DYNC1H1: variants seen among roughly 807,000 people sequenced by gnomAD.
The protein encoded by DYNC1H1 is cytoplasmic dynein 1 heavy chain 1.
DYNC1H1 carries 51 observed loss-of-function variants against 527.1 expected under a neutral mutation model. The ratio of observed to expected loss-of-function variants is 0.10; its 90% CI spans 0.08 to 0.12. The LOEUF (loss-of-function observed/expected upper bound fraction) is 0.12. Ranked by LOEUF, DYNC1H1 falls within the 10% of genes least tolerant of loss-of-function variation. The probability of loss-of-function intolerance (pLI) is 1.00; values close to 1 mark genes in which losing one functional copy is unlikely to be tolerated. For synonymous variants in DYNC1H1, 2,189 were observed against 2,278.8 expected (o/e 0.96, Z 1.12); for missense variants, 2,771 against 5,971.8 (o/e 0.46, Z 17.66).
rs1228519563 is a variant in DYNC1H1 at position 102,001,992 on chromosome 14, C to T, written c.4542+311C>T. 6.6e-6 allele frequency among the ~76,000 whole-genome samples: 1 copy of T among 152,116 alleles called. No individual in the cohort carries two copies. The highest frequency in any genetic ancestry group is 1.9e-4 in the East Asian group (1 of 5,198). On this transcript the variant is annotated intron_variant, in intron 21 of 77. Transcript: ENST00000360184. This position sits in a 1 kb window ranked among gnomAD's most constrained non-coding sequence, Gnocchi z 5.0. The stretch of plus-strand genomic sequence containing the variant: ...CTCACTATATTGCCCAGGCTGGTCT[C>T]GAACTCCTGGGCTTAAGCAGTCCTT...
At chr14:102,006,248 C>T (rs1332604426) in intron 27 of DYNC1H1, 78 bp downstream of exon 27, 1 of 1,586,532 alleles carries the variant, frequency 6.3e-7, no homozygotes, top group African/African-American at 1.3e-5. Flanking sequence ...TTTGAATGTA[C>T]TTCTTTTTGA....
rs150063119 is a variant in DYNC1H1, at chr14:102,038,005, G to A, written c.10909-455G>A. The A allele has an allele frequency of 1.4e-4, 44 of 312,748 alleles. No individual in the cohort carries two copies. The East Asian group carries it at 3.7e-3, about 26-fold the overall frequency. The allele number at this position is 312,748 out of a possible 1,614,324, so 19.4% of individuals were successfully genotyped here. On this transcript the variant is annotated intron_variant, in intron 57 of 77. Coordinates refer to ENST00000360184, the MANE Select transcript of DYNC1H1 (RefSeq NM_001376.5). The surrounding 1 kb of genome is among the most constrained non-coding windows in gnomAD (Gnocchi z 7.2). ...CCCATGGCTAGTGTGACTAGGAACT[G>A]AGTTTTAATTTTTTATTTTATGTTT...
At chr14:102,019,579 C>A (rs1210409329) in intron 41 of DYNC1H1, among the ~76,000 whole-genome samples, 1 of 152,158 alleles carries the variant, frequency 6.6e-6, no homozygotes, top group African/African-American at 2.4e-5. Context: ...TTGTTCTGGA[C>A]AGTTATTTAT....
chr14:102,005,213 C>T lies in DYNC1H1; in HGVS notation c.5410C>T (p.Arg1804Ter). ...TGTCCTCATGGAGCAGCCCCCACTC[C>T]GAAGGCGGAAGCTAGAACACTTGGT... ...DSVLMEQPPL[R>*]RRKLEHLITE... Residue 1804 changes from arginine (R) to a stop codon, truncating the protein, a stop_gained, in exon 26 of 78, where the codon CGA becomes TGA. Coordinates refer to ENST00000360184, the MANE Select transcript of DYNC1H1 (RefSeq NM_001376.5). LOFTEE classifies it high-confidence loss of function. This position sits in a 1 kb window ranked among gnomAD's most constrained non-coding sequence, Gnocchi z 4.0. 1.2e-6 allele frequency: 2 copies of T among 1,614,206 alleles called. No individual in the cohort carries two copies. The highest frequency in any genetic ancestry group is 1.7e-6 in the Non-Finnish European group (2 of 1,180,040).
chr14:102,012,223 A>G lies in DYNC1H1; in HGVS notation c.6858-91A>G. ...TTTTCAACCAAAGTCTGAGCAAATT[A>G]AAGGTCATTTCAGAAACCATCATCG... On this transcript the variant is annotated intron_variant, in intron 33 of 77. Coordinates refer to ENST00000360184, the MANE Select transcript of DYNC1H1 (RefSeq NM_001376.5). The surrounding 1 kb of genome is among the most constrained non-coding windows in gnomAD (Gnocchi z 4.9). The G allele has an allele frequency of 3.7e-6, 6 of 1,612,074 alleles. No individual in the cohort carries two copies. The highest frequency in any genetic ancestry group is 5.1e-6 in the Non-Finnish European group (6 of 1,178,388).
At chr14:102,019,215 C>T (rs1408612677) in intron 41 of DYNC1H1, among the ~76,000 whole-genome samples, 1 of 152,248 alleles carries the variant, frequency 6.6e-6, no homozygotes, top group African/African-American at 2.4e-5. Flanking sequence ...TACGCCTCCA[C>T]CAGCAGCACC....
chr14:102,010,596 C>A lies in DYNC1H1; in HGVS notation c.6405+137C>A. ...GGCTGAAATAGACTGTAATGTTGAC[C>A]CAGTGAGTCGAGTGCACGAATGTGG... On this transcript the variant is annotated intron_variant, in intron 31 of 77. Coordinates refer to ENST00000360184, the MANE Select transcript of DYNC1H1 (RefSeq NM_001376.5). The surrounding 1 kb of genome is among the most constrained non-coding windows in gnomAD (Gnocchi z 6.0). 2 of 1,495,418 alleles carry A rather than the reference C, an allele frequency of 1.3e-6. No homozygotes were observed. The highest frequency in any genetic ancestry group is 1.8e-6 in the Non-Finnish European group (2 of 1,094,172). 92.6% of individuals were successfully genotyped at this position (1,495,418 alleles called of 1,614,324 possible). A position where few individuals can be genotyped will look rare whatever the true frequency, so the allele number is the denominator to read the frequency against.
intron 4 of DYNC1H1, 127 bp downstream of exon 4, chr14:101,980,101 T>C (rs2047846250): frequency 6.9e-7 from 1 of 1,444,646 alleles, no homozygotes; most frequent in South Asian, 1.2e-5. Flanking sequence ...CTCTTGGTCC[T>C]GGGACTGTCC....
In DYNC1H1 at chr14:101,975,807, G is replaced by A. The variant is rs1394913488; in HGVS notation, c.344+8G>A. 5 of 1,577,992 alleles carry A rather than the reference G, an allele frequency of 3.2e-6. No homozygotes were observed. The highest frequency in any genetic ancestry group is 4.4e-6 in the Non-Finnish European group (5 of 1,147,876). The stretch of plus-strand genomic sequence containing the variant: ...TGGGGTTAAATCCAATAGGTGAGTA[G>A]TACAAATATTACCATTATCTCAGGT... On this transcript the variant is annotated splice_region_variant and intron_variant, in intron 2 of 77. Transcript: ENST00000360184.
chr14:102,042,219 C>T lies in DYNC1H1; in HGVS notation c.12215-9C>T, dbSNP rs755152554. The T allele has an allele frequency of 2.5e-6, 4 of 1,613,950 alleles. No individual in the cohort carries two copies. In the African/African-American group the frequency reaches 5.3e-5, roughly 22 times the overall value. On this transcript the variant is annotated splice_polypyrimidine_tract_variant and intron_variant, in intron 66 of 77. Transcript: ENST00000360184. This position sits in a 1 kb window ranked among gnomAD's most constrained non-coding sequence, Gnocchi z 5.7. ...CTGCCGCTGCTAACACTAAGTTTCC[C>T]TGCACCAGGCTCTGCAGAAGGCTTT...
intron 62 of DYNC1H1, 100 bp from the exon 63 acceptor site, chr14:102,040,136 T>C: frequency 6.6e-7 from 1 of 1,511,768 alleles, no homozygotes; most frequent in Non-Finnish European, 9.1e-7. Context: ...TGAGCCACTG[T>C]GCCCGGCCTG....
rs576771124 is a variant in DYNC1H1, at chr14:102,048,856, TG to T, written c.13372+188del. The T allele has an allele frequency of 1.2e-5, 9 of 746,844 alleles. No homozygotes were observed. In the East Asian group the frequency reaches 2.4e-4, roughly 20 times the overall value. The allele number at this position is 746,844 out of a possible 1,614,324, so 46.3% of individuals were successfully genotyped here. On this transcript the variant is annotated intron_variant, in intron 74 of 77. Transcript: ENST00000360184. ...AGGAGCTTAGAAATGCTGAAGAATT[TG>T]TTTTTCTTCTGTGCTGGTTCACTGA...
Position 102,041,428 on chromosome 14 carries a change from G to A in DYNC1H1, c.11942-146G>A, listed in dbSNP as rs1315258415. On this transcript the variant is annotated intron_variant, in intron 64 of 77. Coordinates refer to ENST00000360184, the MANE Select transcript of DYNC1H1 (RefSeq NM_001376.5). This position sits in a 1 kb window ranked among gnomAD's most constrained non-coding sequence, Gnocchi z 4.5. Reference sequence around the variant, plus strand: ...CAGAGGGCTCACGGAAGGCACAGCAGATGTGGCTGAATTTCCTGATTTGAG... The same window carrying A: ...CAGAGGGCTCACGGAAGGCACAGCAAATGTGGCTGAATTTCCTGATTTGAG... 1 of 1,297,676 alleles carries A rather than the reference G, an allele frequency of 7.7e-7. No individual in the cohort carries two copies. The highest frequency in any genetic ancestry group is 1.1e-6 in the Non-Finnish European group (1 of 906,138). 80.4% of individuals were successfully genotyped at this position (1,297,676 alleles called of 1,614,324 possible). A position where few individuals can be genotyped will look rare whatever the true frequency, so the allele number is the denominator to read the frequency against.
Position 101,986,588 on chromosome 14 carries a change from A to G in DYNC1H1, c.2363A>G (p.Tyr788Cys), listed in dbSNP as rs1233503817. 1 of 1,613,656 alleles carries G rather than the reference A, an allele frequency of 6.2e-7. No individual in the cohort carries two copies. The highest frequency in any genetic ancestry group is 1.3e-5 in the African/African-American group (1 of 74,864). ...AISLIESVRT[Y>C]ERTCEKVEER... The stretch of plus-strand genomic sequence containing the variant: ...TCACTGATCGAGAGCGTTCGTACCT[A>G]TGAACGGACCTGCGAGAAGGTGGAG... Residue 788 changes from tyrosine to cysteine, a missense_variant, in exon 8 of 78, where the codon TAT becomes TGT. Tyr to Cys is a radical substitution (Grantham distance 194, BLOSUM62 -2). Transcript: ENST00000360184. The surrounding 1 kb of genome is among the most constrained non-coding windows in gnomAD (Gnocchi z 8.7).
In DYNC1H1 at chr14:102,053,405, G is replaced by T. The variant is rs1488606380; in HGVS notation, c.*2842G>T. The stretch of plus-strand genomic sequence containing the variant: ...GCCTCCCAAGGTGCTGGGATTACAG[G>T]TGTGAGCCACCACGCCTGGCCGAAT... On this transcript the variant is annotated 3_prime_UTR_variant, in exon 78 of 78. Coordinates refer to ENST00000360184, the MANE Select transcript of DYNC1H1 (RefSeq NM_001376.5). 1 of 152,048 alleles carries T rather than the reference G, an allele frequency of 6.6e-6. No homozygotes were observed. Among genetic ancestry groups the T allele is most frequent in the Admixed American group, 6.6e-5 (1 of 15,236 alleles). 9.4% of individuals were successfully genotyped at this position (152,048 alleles called of 1,614,324 possible).
chr14:101,986,124 T>C lies in DYNC1H1; in HGVS notation c.1899T>C (p.Cys633=), dbSNP rs770360380. 1.9e-6 allele frequency: 3 copies of C among 1,614,094 alleles called. No individual in the cohort carries two copies. Among genetic ancestry groups the C allele is most frequent in the Non-Finnish European group, 2.5e-6 (3 of 1,180,038 alleles). Residue 633 remains cysteine, a synonymous_variant, in exon 8 of 78, where the codon TGT becomes TGC. Coordinates refer to ENST00000360184, the MANE Select transcript of DYNC1H1 (RefSeq NM_001376.5). The surrounding 1 kb of genome is among the most constrained non-coding windows in gnomAD (Gnocchi z 8.7). The stretch of plus-strand genomic sequence containing the variant: ...TCCAGTACCCACAGAGTCAGGCTTG[T>C]AAGATGAGTCACGTTCGTGACTTGC... ...FKVQYPQSQA[C]KMSHVRDLPP... is the part of the protein sequence containing the mutation.
chr14:102,018,951 A>G lies in DYNC1H1; in HGVS notation c.8343+335A>G, dbSNP rs1018374245. On this transcript the variant is annotated intron_variant, in intron 41 of 77. Coordinates refer to ENST00000360184, the MANE Select transcript of DYNC1H1 (RefSeq NM_001376.5). This position sits in a 1 kb window ranked among gnomAD's most constrained non-coding sequence, Gnocchi z 5.2. ...GTGACAGAGTGAGACTCTACCTCAAAATAAAATGAGAAGTTTATTGAAATA... is the reference window on the plus strand; with the variant it reads ...GTGACAGAGTGAGACTCTACCTCAAGATAAAATGAGAAGTTTATTGAAATA... Among the ~76,000 whole-genome samples the G allele has an allele frequency of 6.6e-6, 1 of 152,200 alleles. No homozygotes were observed. Among genetic ancestry groups the G allele is most frequent in the African/African-American group, 2.4e-5 (1 of 41,448 alleles).
intron 10 of DYNC1H1, among the ~76,000 whole-genome samples, chr14:101,990,396 C>T (rs1423848474): frequency 6.6e-6 from 1 of 152,132 alleles, no homozygotes; most frequent in Non-Finnish European, 1.5e-5. Flanking sequence ...TGTTCAATCC[C>T]TGGGCACCAG....
chr14:102,044,441 G>C lies in DYNC1H1; in HGVS notation c.12852G>C (p.Leu4284=). The C allele has an allele frequency of 6.2e-7, 1 of 1,614,224 alleles. No individual in the cohort carries two copies. Among genetic ancestry groups the C allele is most frequent in the Non-Finnish European group, 8.5e-7 (1 of 1,180,046 alleles). ...TTRSFDSEFK[L]ACKVDGHKDI... ...GGAGTTTCGACAGTGAGTTTAAGCTGGCATGCAAGGTCGACGGACATAAAG... is the reference window on the plus strand; with the variant it reads ...GGAGTTTCGACAGTGAGTTTAAGCTCGCATGCAAGGTCGACGGACATAAAG... The change falls in exon 71 of 78, where the codon CTG becomes CTC. Residue 4284 remains leucine, a synonymous_variant. Coordinates refer to ENST00000360184, the MANE Select transcript of DYNC1H1 (RefSeq NM_001376.5). The surrounding 1 kb of genome is among the most constrained non-coding windows in gnomAD (Gnocchi z 7.1).
Sources: gnomAD v4.1 joint callset for allele counts (sites outside exome capture counted in the v4.1 genomes callset) on GRCh38, gnomAD v4.1.1 for gene constraint, Gnocchi (gnomAD v3.1) non-coding constraint, MANE v1.5 for transcripts, NCBI Gene and HGNC (gene_info 2026-07-23, HGNC 2026-07-21) for gene names.